Variants in AMZ2 observed in about 807,000 individuals in gnomAD.
AMZ2 encodes archaelysin family metallopeptidase 2, also known as archaemetzincin-2.
AMZ2 carries 26 observed loss-of-function variants against 36.7 expected under a neutral mutation model. That is an observed-to-expected ratio of 0.71 (90% CI 0.52 to 0.98). The LOEUF (loss-of-function observed/expected upper bound fraction) is 0.98, where lower values mean the gene tolerates loss of function less well. AMZ2 is among the 50% of genes least tolerant of loss of function. The pLI, the probability that AMZ2 is intolerant of heterozygous loss-of-function variation, is 0.00. For missense variants in AMZ2, 394 were observed against 430.5 expected (o/e 0.92, Z 0.75); for synonymous variants, 144 against 149.1 (o/e 0.97, Z 0.25).
intron 1 of AMZ2, among the ~76,000 whole-genome samples, chr17:68,240,200 C>T (rs1191443854): frequency 3.9e-5 from 6 of 152,126 alleles, no homozygotes; most frequent in African/African-American, 7.2e-5. Context: ...CCTTGGGTCT[C>T]TTTCATAAAG....
rs561385360 is a variant in AMZ2 at position 68,218,995 on chromosome 17, A to AT, written c.-67+12763dup. Among the ~76,000 whole-genome samples, 166 of 152,044 alleles carry AT rather than the reference A, an allele frequency of 1.1e-3. 1 individual carries two copies. Among genetic ancestry groups the AT allele is most frequent in the African/African-American group, 3.6e-3 (150 of 41,472 alleles). On this transcript the variant is annotated intron_variant, in intron 1 of 7. Transcript: ENST00000674770. The stretch of plus-strand genomic sequence containing the variant: ...CCCCTACCTCAACCCTCCAAGATTT[A>AT]TTTTTTATTTTTTGAGATGGAGTCT...
At chr17:68,243,142 A>ATT (rs34318289), upstream of AMZ2, among the ~76,000 whole-genome samples, 157 of 147,086 alleles carry the variant, frequency 1.1e-3, 3 homozygotes, top group South Asian at 0.022. Flanking sequence ...TTGAGAAATG[A>ATT]TTTTTTTTTT....
At chr17:68,248,008 T>TAAGGGGCGTGGCGC (rs2144685331), upstream of AMZ2, 2 of 985,910 alleles carry the variant, frequency 2.0e-6, no homozygotes, top group South Asian at 4.7e-5. Context: ...GCGCGTGGCG[T>TAAGGGGCGTGGCGC]AAGGGGCGTG....
At chr17:68,246,384 A>G (rs1385295415), upstream of AMZ2, among the ~76,000 whole-genome samples, 1 of 151,998 alleles carries the variant, frequency 6.6e-6, no homozygotes, top group African/African-American at 2.4e-5. Flanking sequence ...TAATAATAAA[A>G]AAAGATGTGC....
At chr17:68,211,886 A>G (rs1486600852) in intron 1 of AMZ2, among the ~76,000 whole-genome samples, 1 of 149,890 alleles carries the variant, frequency 6.7e-6, no homozygotes, top group Non-Finnish European at 1.5e-5. Flanking sequence ...ATGTATATAT[A>G]TATGCCTTGA....
intron 1 of AMZ2, among the ~76,000 whole-genome samples, chr17:68,222,331 C>T (rs1171110714): frequency 6.6e-6 from 1 of 152,186 alleles, no homozygotes; most frequent in African/African-American, 2.4e-5. Flanking sequence ...AATAAAAGCA[C>T]AGAATGTAAG....
chr17:68,244,516 A>G (rs1555734756), upstream of AMZ2, among the ~76,000 whole-genome samples: 1 of 152,048 alleles, frequency 6.6e-6, no homozygotes, highest in African/African-American at 2.4e-5. Context: ...CAAACTCCTG[A>G]CCTCAAGTGA....
intron 1 of AMZ2, among the ~76,000 whole-genome samples, chr17:68,222,082 A>G (rs1335714963): frequency 3.3e-4 from 50 of 152,276 alleles, no homozygotes; most frequent in Admixed American, 1.8e-3. Flanking sequence ...CTTCAGGCAG[A>G]AAACTGGACG....
chr17:68,250,700 T>C (rs2074388914), intron 2 of AMZ2, 94 bp from the exon 3 acceptor site: 1 of 1,302,912 alleles, frequency 7.7e-7, no homozygotes, highest in African/African-American at 1.5e-5. Flanking sequence ...TTAGAGTTGG[T>C]TTTGTTTCTA....
intron 1 of AMZ2, among the ~76,000 whole-genome samples, chr17:68,226,432 C>G (rs552362881): frequency 6.6e-6 from 1 of 152,320 alleles, no homozygotes; most frequent in East Asian, 1.9e-4. Context: ...CTCCTGCCCC[C>G]CAGCCCCTGC....
intron 1 of AMZ2, among the ~76,000 whole-genome samples, chr17:68,230,342 G>C (rs560928400): frequency 6.6e-6 from 1 of 152,326 alleles, no homozygotes; most frequent in East Asian, 1.9e-4. Context: ...CCACAGTGCT[G>C]GGATTACAGG....
intron 1 of AMZ2, among the ~76,000 whole-genome samples, chr17:68,214,308 G>A (rs2073141239): frequency 6.6e-6 from 1 of 152,162 alleles, no homozygotes; most frequent in Non-Finnish European, 1.5e-5. Flanking sequence ...GTAAGCTCTA[G>A]AGGAGCGATG....
Position 68,209,628 on chromosome 17 carries a change from A to AT in AMZ2, c.-67+3391dup, listed in dbSNP as rs1322446681. Among the ~76,000 whole-genome samples the AT allele has an allele frequency of 8.4e-3, 823 of 98,328 alleles. 15 individuals carry two copies. Among genetic ancestry groups the AT allele is most frequent in the African/African-American group, 0.033 (656 of 19,902 alleles). 64.5% of individuals were successfully genotyped at this position (98,328 alleles called of 152,430 possible). ...TGTATATGTATATATATATATATAT[A>AT]TATATTTTTTTTTTTTTTTATACAG... On this transcript the variant is annotated intron_variant, in intron 1 of 7. Coordinates refer to the AMZ2 transcript ENST00000674770.
intron 1 of AMZ2, among the ~76,000 whole-genome samples, chr17:68,208,090 C>T (rs1469666409): frequency 4.6e-5 from 7 of 152,168 alleles, no homozygotes; most frequent in African/African-American, 1.7e-4. Context: ...CATGCCTGAG[C>T]CTCCCCTGCC....
upstream of AMZ2, among the ~76,000 whole-genome samples, chr17:68,243,104 T>C (rs1326176497): frequency 1.1e-4 from 17 of 151,832 alleles, no homozygotes; most frequent in Admixed American, 7.9e-4. Context: ...TTATTTCCCC[T>C]TAGCATTTCT....
intron 6 of AMZ2, among the ~76,000 whole-genome samples, chr17:68,256,414 CAT>C (rs782687349): frequency 4.6e-5 from 7 of 152,200 alleles, no homozygotes; most frequent in Non-Finnish European, 1.0e-4. Context: ...AATGTCTACA[CAT>C]GTGTTTTCAC....
At chr17:68,240,219 A>T (rs2073873561) in intron 1 of AMZ2, among the ~76,000 whole-genome samples, 2 of 152,136 alleles carry the variant, frequency 1.3e-5, no homozygotes, top group Non-Finnish European at 2.9e-5. Flanking sequence ...AGGCACTAAT[A>T]CTATTCATAA....
chr17:68,241,179 A>C (rs1555733906), intron 1 of AMZ2, among the ~76,000 whole-genome samples: 1 of 152,208 alleles, frequency 6.6e-6, no homozygotes, highest in Non-Finnish European at 1.5e-5. Context: ...CCATGTAGAG[A>C]AGCATTAAAA....
chr17:68,255,571 C>G lies in AMZ2; in HGVS notation c.751-129C>G, dbSNP rs1313894304. The G allele has an allele frequency of 4.3e-6, 4 of 933,478 alleles. No homozygotes were observed. The African/African-American group carries it at 6.6e-5, about 15-fold the overall frequency. The allele number at this position is 933,478 out of a possible 1,614,324, so 57.8% of individuals were successfully genotyped here. ...ATTATTAAGTCTTTGAAGGTCTGGA[C>G]AGGGTGAAGTTTTGGTGGTAATGGT... On this transcript the variant is annotated intron_variant, in intron 5 of 6. Transcript: ENST00000359904.
Sources: allele counts gnomAD v4.1 joint callset (sites outside exome capture counted in the v4.1 genomes callset), GRCh38; gene constraint gnomAD v4.1.1; transcripts MANE v1.5; gene names NCBI Gene and HGNC (gene_info 2026-07-23, HGNC 2026-07-21).